Variants in DIP2C observed in about 807,000 individuals in gnomAD.
DIP2C encodes disco-interacting protein 2 homolog C.
A neutral mutation model predicts 192.4 loss-of-function variants in DIP2C; 33 were observed. The observed-to-expected ratio is 0.17, with a 90% CI of 0.13 to 0.23. DIP2C has a LOEUF of 0.23. Ranked by LOEUF, DIP2C falls within the 10% of genes least tolerant of loss-of-function variation. The probability of loss-of-function intolerance (pLI) is 1.00; values close to 1 mark genes in which losing one functional copy is unlikely to be tolerated. For synonymous variants in DIP2C, 979 were observed against 864.1 expected, an observed-to-expected ratio of 1.13 and a Z score of -2.33; for missense variants, 1,537 against 2,110.1, an observed-to-expected ratio of 0.73 and a Z score of 5.32.
intron 1 of DIP2C, among the ~76,000 whole-genome samples, chr10:527,128 C>T (rs905149371): frequency 5.9e-5 from 9 of 152,318 alleles, no homozygotes; most frequent in Admixed American, 3.9e-4. Context: ...GATTCTCCGA[C>T]GCCTGCACAG....
intron 1 of DIP2C, among the ~76,000 whole-genome samples, chr10:583,634 G>A (rs1850801188): frequency 6.6e-6 from 1 of 152,246 alleles, no homozygotes; most frequent in African/African-American, 2.4e-5. Context: ...CCGAGACTGT[G>A]CTGAAACCGA....
chr10:663,628 T>C (rs541845170), intron 1 of DIP2C: 2 of 152,286 alleles, frequency 1.3e-5, no homozygotes, highest in African/African-American at 4.8e-5. Context: ...TGTACGCGGA[T>C]TTACGCCTGG....
Position 689,531 on chromosome 10 carries a change from C to A in DIP2C, c.48G>T (p.Arg16=). The part of the protein sequence containing the change: ...LEGMALPLEV[R]ARLAELELEL... ...CCAGCTCCAGCTCGGCCAGGCGCGCCCGCACCTCCAGGGGCAGCGCCATGC... is the reference window on the plus strand; with the variant it reads ...CCAGCTCCAGCTCGGCCAGGCGCGCACGCACCTCCAGGGGCAGCGCCATGC... Residue 16 remains arginine (R), a synonymous_variant, in exon 1 of 37, where the codon CGG becomes CGT. Coordinates refer to ENST00000280886, the MANE Select transcript of DIP2C (RefSeq NM_014974.3). This position sits in a 1 kb window ranked among gnomAD's most constrained non-coding sequence, Gnocchi z 6.1. 1 of 1,301,650 alleles carries A rather than the reference C, an allele frequency of 7.7e-7. No individual in the cohort carries two copies. The highest frequency in any genetic ancestry group is 9.9e-7 in the Non-Finnish European group (1 of 1,006,608). The allele number at this position is 1,301,650 out of a possible 1,614,324, so 80.6% of individuals were successfully genotyped here.
rs904111186 is a variant in DIP2C, at chr10:689,155, G to A, written c.85+339C>T. On this transcript the variant is annotated intron_variant, in intron 1 of 36. Coordinates refer to ENST00000280886, the MANE Select transcript of DIP2C (RefSeq NM_014974.3). This position sits in a 1 kb window ranked among gnomAD's most constrained non-coding sequence, Gnocchi z 6.1. ...CAGGCCCCACAGACACCCCCAGGGC[G>A]CGGGGGGATCGCGGCCCCACAAACA... is the stretch of plus-strand genomic sequence containing the variant. Among the ~76,000 whole-genome samples, 3 of 151,908 alleles carry A rather than the reference G, an allele frequency of 2.0e-5. No individual in the cohort carries two copies. Among genetic ancestry groups the A allele is most frequent in the African/African-American group, 7.2e-5 (3 of 41,406 alleles).
intron 1 of DIP2C, among the ~76,000 whole-genome samples, chr10:671,755 G>A (rs1466575315): frequency 6.5e-5 from 6 of 92,082 alleles, no homozygotes; most frequent in Admixed American, 1.4e-4. Flanking sequence ...CGTCACAGAC[G>A]CACGGACGGA....
intron 1 of DIP2C, among the ~76,000 whole-genome samples, chr10:625,529 G>A (rs1185058973): frequency 2.0e-5 from 3 of 152,068 alleles, no homozygotes; most frequent in Admixed American, 2.0e-4. Context: ...CTGTGGCCTC[G>A]GTGGCCTGTG....
chr10:355,448 C>CT (rs1383591746), intron 24 of DIP2C, among the ~76,000 whole-genome samples: 1 of 152,214 alleles, frequency 6.6e-6, no homozygotes, highest in African/African-American at 2.4e-5. Context: ...GCTTCGCACA[C>CT]TAAGATTTTG....
At chr10:657,624 GCTGGACCTGCCC>G (rs1481971844) in intron 1 of DIP2C, among the ~76,000 whole-genome samples, 103 of 67,604 alleles carry the variant, frequency 1.5e-3, no homozygotes, top group African/African-American at 4.6e-3. Flanking sequence ...TGGACCTGAT[GCTGGACCTGCCC>G]CTGGACCTGC....
intron 1 of DIP2C, among the ~76,000 whole-genome samples, chr10:567,761 C>T (rs531440501): frequency 1.8e-4 from 27 of 152,266 alleles, no homozygotes; most frequent in East Asian, 1.9e-4. Flanking sequence ...CCTCAGCCTC[C>T]AGAGTAGCTG....
chr10:464,366 T>C (rs1396482241), intron 3 of DIP2C, among the ~76,000 whole-genome samples: 1 of 151,936 alleles, frequency 6.6e-6, no homozygotes, highest in Non-Finnish European at 1.5e-5. Context: ...AAGACATTTA[T>C]GTGGCCAACA....
chr10:484,757 G>C, intron 2 of DIP2C: 1 of 1,607,018 alleles, frequency 6.2e-7, no homozygotes, highest in Non-Finnish European at 8.5e-7. Flanking sequence ...CTGTGGGGCT[G>C]GCTCTCAGCA....
At chr10:519,783 G>A (rs763946583) in intron 1 of DIP2C, among the ~76,000 whole-genome samples, 12 of 152,226 alleles carry the variant, frequency 7.9e-5, no homozygotes, top group Non-Finnish European at 1.5e-4. Flanking sequence ...ACAAACGGAC[G>A]ACGCAGTCTT....
At chr10:619,960 C>A (rs978542589) in intron 1 of DIP2C, among the ~76,000 whole-genome samples, 1 of 152,196 alleles carries the variant, frequency 6.6e-6, no homozygotes, top group Admixed American at 6.5e-5. Flanking sequence ...GGTGGCCACC[C>A]CTTCAGCCCA....
chr10:663,789 C>T (rs545872638), intron 1 of DIP2C: 1 of 152,364 alleles, frequency 6.6e-6, no homozygotes, highest in South Asian at 2.1e-4. Context: ...CACGCCACCA[C>T]TTAAGGCAGC....
In DIP2C at chr10:624,034, G is replaced by A. The variant is rs566335191; in HGVS notation, c.85+65460C>T. Reference sequence around the variant, plus strand: ...AAGCCAACACAGTTGGGCTCGAACCGCCACCCTGCTCCTTCTCTCTGCACC... The same window carrying A: ...AAGCCAACACAGTTGGGCTCGAACCACCACCCTGCTCCTTCTCTCTGCACC... On this transcript the variant is annotated intron_variant, in intron 1 of 36. Transcript: ENST00000280886. Among the ~76,000 whole-genome samples, 6 of 152,324 alleles carry A rather than the reference G, an allele frequency of 3.9e-5. No individual in the cohort carries two copies. The South Asian group carries it at 6.2e-4, about 16-fold the overall frequency.
chr10:309,209 C>A (rs1054976037), intron 32 of DIP2C, among the ~76,000 whole-genome samples: 1 of 152,064 alleles, frequency 6.6e-6, no homozygotes, highest in African/African-American at 2.4e-5. Context: ...TCCTCCTTGG[C>A]GGGCAGAGAT....
At chr10:561,008 G>T (rs900362894) in intron 1 of DIP2C, among the ~76,000 whole-genome samples, 4 of 152,108 alleles carry the variant, frequency 2.6e-5, no homozygotes, top group African/African-American at 9.7e-5. Flanking sequence ...GGAAATTTTT[G>T]AATCTACCTA....
intron 1 of DIP2C, among the ~76,000 whole-genome samples, chr10:573,637 C>CA (rs1849962016): frequency 1.3e-5 from 2 of 152,130 alleles, no homozygotes; most frequent in Non-Finnish European, 2.9e-5. Flanking sequence ...CTCAAGCTCC[C>CA]AGGCTCAAGC....
rs544879611 is a variant in DIP2C at position 399,280 on chromosome 10, C to T, written c.1150-61G>A. On this transcript the variant is annotated intron_variant, in intron 9 of 36. Transcript: ENST00000280886. ...GGGGTCCTGGCTTCCTAAGACGCCACGGAAGAGCTTGGTTCTAGGTGAGAG... is the reference window on the plus strand; with the variant it reads ...GGGGTCCTGGCTTCCTAAGACGCCATGGAAGAGCTTGGTTCTAGGTGAGAG... 5.3e-5 allele frequency: 74 copies of T among 1,390,120 alleles called. No homozygotes were observed. In the African/African-American group the frequency reaches 6.4e-4, roughly 12 times the overall value. 86.1% of individuals were successfully genotyped at this position (1,390,120 alleles called of 1,614,324 possible).
Sources: gnomAD v4.1 joint callset for allele counts (sites outside exome capture counted in the v4.1 genomes callset) on GRCh38, gnomAD v4.1.1 for gene constraint, Gnocchi (gnomAD v3.1) non-coding constraint, MANE v1.5 for transcripts, NCBI Gene and HGNC (gene_info 2026-07-23, HGNC 2026-07-21) for gene names.